The following FLT3 variants were observed in gnomAD, a reference collection of about 807,000 sequenced individuals.
The protein encoded by FLT3 is fms related receptor tyrosine kinase 3.
Under a neutral mutation model 126.6 loss-of-function variants are expected in FLT3, and 46 were observed. The ratio of observed to expected loss-of-function variants is 0.36; its 90% CI spans 0.29 to 0.46. The LOEUF is 0.46. FLT3 is among the 20% of genes least tolerant of loss of function. FLT3 has a pLI of 1.00. For missense variants in FLT3, 1,069 were observed against 1,190.3 expected, an observed-to-expected ratio of 0.90 and a Z score of 1.50; for synonymous variants, 404 against 434.4, an observed-to-expected ratio of 0.93 and a Z score of 0.87.
At chr13:28,062,737 C>T (rs1876679569) in intron 2 of FLT3, among the ~76,000 whole-genome samples, 1 of 38,058 alleles carries the variant, frequency 2.6e-5, no homozygotes. Context: ...GAGTGAAACT[C>T]TGTCTCAAAA....
chr13:28,036,957 T>C (rs1405353413), intron 10 of FLT3, among the ~76,000 whole-genome samples: 1 of 152,144 alleles, frequency 6.6e-6, no homozygotes, highest in Non-Finnish European at 1.5e-5. Context: ...GCCTGCGTGG[T>C]AGAGTGAGAC....
intron 23 of FLT3, among the ~76,000 whole-genome samples, chr13:28,010,425 G>A (rs1032455267): frequency 6.6e-6 from 1 of 152,206 alleles, no homozygotes; most frequent in Non-Finnish European, 1.5e-5. Flanking sequence ...TTCAGAAGCA[G>A]CAGCCTGAAA....
At chr13:28,091,235 T>TTTTTTTA (rs1566108423) in intron 1 of FLT3, among the ~76,000 whole-genome samples, 7 of 131,662 alleles carry the variant, frequency 5.3e-5, no homozygotes, top group African/African-American at 2.1e-4. Flanking sequence ...TTTTTTTTTT[T>TTTTTTTA]TTTTGAGACG....
intron 16 of FLT3, 78 bp downstream of exon 16, chr13:28,028,099 GA>G: frequency 5.2e-6 from 4 of 764,852 alleles, no homozygotes; most frequent in South Asian, 1.4e-5. Flanking sequence ...AAGAGAGAGA[GA>G]GAGAGAGAGA....
At chr13:28,048,060 G>A (rs1875060229) in intron 9 of FLT3, among the ~76,000 whole-genome samples, 2 of 152,172 alleles carry the variant, frequency 1.3e-5, no homozygotes, top group Non-Finnish European at 2.9e-5. Flanking sequence ...GGTTCTTTCT[G>A]TTTTCATGCA....
chr13:28,052,721 C>A (rs774540041), intron 4 of FLT3, 47 bp from the exon 5 acceptor site: 109 of 1,322,522 alleles, frequency 8.2e-5, no homozygotes, highest in Non-Finnish European at 1.1e-4. Flanking sequence ...AAAAATAATT[C>A]TCTTAGCAGC....
At chr13:28,056,165 A>G (rs932067117) in intron 4 of FLT3, among the ~76,000 whole-genome samples, 1 of 152,068 alleles carries the variant, frequency 6.6e-6, no homozygotes, top group Admixed American at 6.6e-5. Flanking sequence ...ACACATTCTC[A>G]CACAAGACCC....
intron 1 of FLT3, among the ~76,000 whole-genome samples, chr13:28,082,073 C>T (rs1878360818): frequency 6.6e-6 from 1 of 151,646 alleles, no homozygotes; most frequent in African/African-American, 2.4e-5. Flanking sequence ...CCAGGTTGGT[C>T]TCGAATTCCT....
intron 2 of FLT3, among the ~76,000 whole-genome samples, chr13:28,067,373 T>G (rs930878351): frequency 6.6e-6 from 1 of 152,148 alleles, no homozygotes; most frequent in Non-Finnish European, 1.5e-5. Flanking sequence ...ACAATCTGGA[T>G]AGACAAATCT....
Position 28,100,175 on chromosome 13 carries a change from T to C in FLT3, c.43+293A>G, listed in dbSNP as rs1879727836. 6.6e-6 allele frequency among the ~76,000 whole-genome samples: 1 copy of C among 151,620 alleles called. No homozygotes were observed. Among genetic ancestry groups the C allele is most frequent in the Non-Finnish European group, 1.5e-5 (1 of 67,880 alleles). On this transcript the variant is annotated intron_variant, in intron 1 of 23. Coordinates refer to ENST00000241453, the MANE Select transcript of FLT3 (RefSeq NM_004119.3). The surrounding 1 kb of genome is among the most constrained non-coding windows in gnomAD (Gnocchi z 4.8). ...GCTGCCCCAGACCCGGCGCAGCGCC[T>C]CGGCGAGGCCGTCTGCGAAGTCCGG...
At chr13:28,097,267 G>GA (rs959161914) in intron 1 of FLT3, among the ~76,000 whole-genome samples, 2 of 148,708 alleles carry the variant, frequency 1.3e-5, no homozygotes, top group African/African-American at 2.5e-5. Context: ...AGGAAGGAAG[G>GA]AAAAAAATGG....
chr13:28,055,667 T>G (rs1415837214), intron 4 of FLT3, among the ~76,000 whole-genome samples: 1 of 152,236 alleles, frequency 6.6e-6, no homozygotes, highest in East Asian at 1.9e-4. Context: ...CCTGAATAAC[T>G]GTTGTTACAT....
At chr13:28,066,814 T>C (rs1023077597) in intron 2 of FLT3, among the ~76,000 whole-genome samples, 2 of 152,120 alleles carry the variant, frequency 1.3e-5, no homozygotes, top group Non-Finnish European at 2.9e-5. Context: ...CAATGGGTGC[T>C]AAAATCAGTA....
At chr13:28,098,303 A>C (rs1296109240) in intron 1 of FLT3, among the ~76,000 whole-genome samples, 4 of 141,740 alleles carry the variant, frequency 2.8e-5, no homozygotes, top group Admixed American at 7.0e-5. Context: ...TGACAGAGCA[A>C]GACTCCGTCT....
chr13:28,062,444 T>C (rs1876654402), intron 2 of FLT3, among the ~76,000 whole-genome samples: 1 of 151,922 alleles, frequency 6.6e-6, no homozygotes, highest in African/African-American at 2.4e-5. Context: ...ATGACTCGTG[T>C]CCTTATAAGA....
At chr13:28,052,698 AT>A in intron 4 of FLT3, 24 bp from the exon 5 acceptor site, 1 of 1,488,494 alleles carries the variant, frequency 6.7e-7, no homozygotes, top group South Asian at 1.2e-5. Flanking sequence ...AGTTATTAAC[AT>A]TTTACTATTT....
In FLT3 at chr13:28,020,909, T is replaced by C. The variant is rs533808342; in HGVS notation, c.2419-2320A>G. Among the ~76,000 whole-genome samples the C allele has an allele frequency of 1.8e-4, 28 of 152,178 alleles. No individual in the cohort carries two copies. In the East Asian group the frequency reaches 5.4e-3, roughly 29 times the overall value. On this transcript the variant is annotated intron_variant, in intron 19 of 23. Transcript: ENST00000241453. ...CGCATGATTCAAAGGGGAGGCCTGA[T>C]GTGAAGATAAAAGGATAGAAGGCCT... is the stretch of plus-strand genomic sequence containing the variant.
intron 6 of FLT3, 105 bp from the exon 7 acceptor site, chr13:28,049,879 A>G: frequency 8.0e-7 from 1 of 1,242,760 alleles, no homozygotes; most frequent in Non-Finnish European, 1.1e-6. Context: ...CATCTCAAAT[A>G]TTACTAACCA....
At position 28,023,344 on chromosome 13, in the gene FLT3, G is replaced by A; in HGVS notation, c.2418+6C>T. 1 of 1,610,068 alleles carries A rather than the reference G, an allele frequency of 6.2e-7. No homozygotes were observed. Among genetic ancestry groups the A allele is most frequent in the Non-Finnish European group, 8.5e-7 (1 of 1,178,750 alleles). ...TTGGTTTGTTTTTTCTTTAAAAGGAGCATACCGACTTAAATTCCAGAAATT... is the reference window on the plus strand; with the variant it reads ...TTGGTTTGTTTTTTCTTTAAAAGGAACATACCGACTTAAATTCCAGAAATT... On this transcript the variant is annotated splice_donor_region_variant and intron_variant, in intron 19 of 23. Transcript: ENST00000241453.
Sources: allele counts gnomAD v4.1 joint callset (sites outside exome capture counted in the v4.1 genomes callset), GRCh38; gene constraint gnomAD v4.1.1; non-coding constraint Gnocchi (gnomAD v3.1); transcripts MANE v1.5; gene names NCBI Gene and HGNC (gene_info 2026-07-23, HGNC 2026-07-21).